The following FBRSL1 variants were observed in gnomAD, a reference collection of about 807,000 sequenced individuals.
FBRSL1 encodes the protein fibrosin like 1, also known as fibrosin-1-like protein.
In FBRSL1, 51 loss-of-function variants were observed where a neutral mutation model predicts 89.6. The observed-to-expected ratio is 0.57, with a 90% CI of 0.45 to 0.72. The LOEUF (loss-of-function observed/expected upper bound fraction) is 0.72, where lower values mean the gene tolerates loss of function less well. Among genes scored for constraint, FBRSL1 ranks in the 30% least tolerant of loss-of-function variants. FBRSL1 has a pLI of 0.00. For missense variants in FBRSL1, 1,618 were observed against 1,451.8 expected, an observed-to-expected ratio of 1.11 and a Z score of -1.86; for synonymous variants, 779 against 681.1, an observed-to-expected ratio of 1.14 and a Z score of -2.24.
chr12:132,583,728 G>A lies in FBRSL1; in HGVS notation c.2959G>A (p.Ala987Thr). 8.2e-7 allele frequency: 1 copy of A among 1,216,010 alleles called. No individual in the cohort carries two copies. Among genetic ancestry groups the A allele is most frequent in the Admixed American group, 4.3e-5 (1 of 23,070 alleles). The allele number at this position is 1,216,010 out of a possible 1,614,324, so 75.3% of individuals were successfully genotyped here. A position where few individuals can be genotyped will look rare whatever the true frequency, so the allele number is the denominator to read the frequency against. Residue 987 changes from alanine to threonine, a missense_variant, in exon 19 of 19, where the codon GCG becomes ACG. Transcript: ENST00000680143. ...GCTGGGGGGCCTCGGGCCGGGCGAG[G>A]CGCGCGACTACTCCCCGTCCCGAAA... Reference protein sequence around the residue: ...TPLGGLGPGEARDYSPSRNPP... With the variant: ...TPLGGLGPGETRDYSPSRNPP...
At chr12:132,548,516 A>G (rs2037881531) in intron 5 of FBRSL1, among the ~76,000 whole-genome samples, 1 of 152,196 alleles carries the variant, frequency 6.6e-6, no homozygotes, top group Non-Finnish European at 1.5e-5. Context: ...CTCAGGAGCA[A>G]GCAGGATTCC....
At chr12:132,571,026 G>A (rs2039975831) in intron 8 of FBRSL1, 42 bp from the exon 9 acceptor site, 2 of 1,278,228 alleles carry the variant, frequency 1.6e-6, no homozygotes, top group African/African-American at 3.1e-5. Context: ...GCTGGACCCT[G>A]GCTCCCGGGG....
intron 5 of FBRSL1, among the ~76,000 whole-genome samples, chr12:132,561,757 C>T (rs1006011376): frequency 6.6e-6 from 1 of 152,168 alleles, no homozygotes; most frequent in Non-Finnish European, 1.5e-5. Context: ...CAGTGCAGCC[C>T]CTCAGATGAG....
rs117838383 is a variant in FBRSL1, at chr12:132,535,570, G to A, written c.615+7582G>A. Among the ~76,000 whole-genome samples, 246 of 152,358 alleles carry A rather than the reference G, an allele frequency of 1.6e-3. 8 individuals carry two copies. In the East Asian group the frequency reaches 0.044, roughly 27 times the overall value. On this transcript the variant is annotated intron_variant, in intron 4 of 18. Transcript: ENST00000680143. ...CACATCCCAGCTCTCCCAGAGAGAT[G>A]AGGAACAGGAGCAGATGCAGCCAGT...
chr12:132,529,802 C>T (rs900767653), intron 4 of FBRSL1, among the ~76,000 whole-genome samples: 2 of 132,302 alleles, frequency 1.5e-5, no homozygotes, highest in Non-Finnish European at 3.2e-5. Context: ...TGGCCTCTCA[C>T]CTGGTTTGGC....
intron 6 of FBRSL1, 93 bp from the exon 7 acceptor site, chr12:132,569,833 C>T (rs2039884781): frequency 1.0e-6 from 1 of 990,182 alleles, no homozygotes; most frequent in Non-Finnish European, 1.3e-6. Flanking sequence ...CAGACATAGC[C>T]TGGGCACCGG....
intron 1 of FBRSL1, among the ~76,000 whole-genome samples, chr12:132,492,185 C>T (rs1276301750): frequency 6.6e-6 from 1 of 152,194 alleles, no homozygotes; most frequent in African/African-American, 2.4e-5. Context: ...CTGTCGCCAC[C>T]CACCTGCACC....
chr12:132,509,843 A>G, intron 2 of FBRSL1: 1 of 1,230,778 alleles, frequency 8.1e-7, no homozygotes, highest in Non-Finnish European at 1.0e-6. Context: ...CCCCGCGGCC[A>G]CTCCTCACCC....
Position 132,583,001 on chromosome 12 carries a change from C to T in FBRSL1, c.2232C>T (p.Ser744=). ...TCCTGGAGAAGACGCGCCTGCTGAG[C>T]CGGGCCTCGCCCGCCACCCCCGCTG... ...RDLLEKTRLL[S]RASPATPAGH... The change falls in exon 19 of 19, where the codon AGC becomes AGT. Residue 744 remains serine (S), a synonymous_variant. Coordinates refer to ENST00000680143, the MANE Select transcript of FBRSL1 (RefSeq NM_001367871.1). The T allele has an allele frequency of 6.9e-7, 1 of 1,453,196 alleles. No homozygotes were observed. Among genetic ancestry groups the T allele is most frequent in the East Asian group, 3.0e-5 (1 of 33,056 alleles). The allele number at this position is 1,453,196 out of a possible 1,614,324, so 90.0% of individuals were successfully genotyped here.
intron 1 of FBRSL1, among the ~76,000 whole-genome samples, chr12:132,494,904 T>C (rs1378202584): frequency 6.6e-6 from 1 of 152,214 alleles, no homozygotes; most frequent in Non-Finnish European, 1.5e-5. Flanking sequence ...CCACAGGACA[T>C]GCACCCAAAA....
Position 132,583,295 on chromosome 12 carries a change from C to G in FBRSL1, c.2526C>G (p.Arg842=), listed in dbSNP as rs1218668979. ...HPAPLQLGLG[R]ERLGAPGFAW... is the part of the protein sequence containing the mutation. ...CGCCCCTGCAGCTCGGCCTGGGCCG[C>G]GAGCGCCTGGGCGCGCCGGGCTTCG... Residue 842 remains arginine, a synonymous_variant, in exon 19 of 19, where the codon CGC becomes CGG. Transcript: ENST00000680143. The G allele has an allele frequency of 3.5e-6, 4 of 1,134,680 alleles. No individual in the cohort carries two copies. The highest frequency in any genetic ancestry group is 3.3e-6 in the Non-Finnish European group (3 of 898,754). 70.3% of individuals were successfully genotyped at this position (1,134,680 alleles called of 1,614,324 possible). A position where few individuals can be genotyped will look rare whatever the true frequency, so the allele number is the denominator to read the frequency against.
chr12:132,504,816 C>T (rs2033479393), intron 1 of FBRSL1, among the ~76,000 whole-genome samples: 1 of 152,140 alleles, frequency 6.6e-6, no homozygotes, highest in South Asian at 2.1e-4. Context: ...CTCATGGGGT[C>T]CTGTTTGTGT....
At chr12:132,493,200 TGTG>T (rs779941544) in intron 1 of FBRSL1, among the ~76,000 whole-genome samples, 39 of 152,302 alleles carry the variant, frequency 2.6e-4, no homozygotes, top group Admixed American at 9.1e-4. Flanking sequence ...CCGAGGGAGA[TGTG>T]GCCACCAGGA....
chr12:132,585,173 C>T lies in FBRSL1; in HGVS notation c.*1395C>T, dbSNP rs1319712088. ...GTCAATCAGTGACGATAAATACAGC[C>T]TTGATTTGGATGAAACTGTGGTCGC... On this transcript the variant is annotated 3_prime_UTR_variant, in exon 19 of 19. Transcript: ENST00000680143. 1 of 148,494 alleles carries T rather than the reference C, an allele frequency of 6.7e-6. No homozygotes were observed. The highest frequency in any genetic ancestry group is 2.6e-5 in the African/African-American group (1 of 37,934). 9.2% of individuals were successfully genotyped at this position (148,494 alleles called of 1,614,324 possible). A position where few individuals can be genotyped will look rare whatever the true frequency, so the allele number is the denominator to read the frequency against.
chr12:132,570,790 C>T (rs1017592330), intron 8 of FBRSL1, among the ~76,000 whole-genome samples: 1 of 152,220 alleles, frequency 6.6e-6, no homozygotes, highest in Non-Finnish European at 1.5e-5. Context: ...CTGAGACGGG[C>T]GCACGGGCCT....
In FBRSL1 at chr12:132,570,005, C is replaced by T. The variant is rs937298163; in HGVS notation, c.771C>T (p.Ser257=). 34 of 1,509,596 alleles carry T rather than the reference C, an allele frequency of 2.3e-5. No individual in the cohort carries two copies. Among genetic ancestry groups the T allele is most frequent in the East Asian group, 2.1e-4 (8 of 38,840 alleles). 93.5% of individuals were successfully genotyped at this position (1,509,596 alleles called of 1,614,324 possible). The change falls in exon 7 of 19, where the codon AGC becomes AGT. Residue 257 remains serine, a synonymous_variant. Coordinates refer to ENST00000680143, the MANE Select transcript of FBRSL1 (RefSeq NM_001367871.1). ...VSGLERSREL[S]AESFLPTASP... is the part of the protein sequence containing the mutation. Reference sequence around the variant, plus strand: ...GCCTGGAGCGCAGCCGCGAGCTCAGCGCCGAGAGCTTCCTGCCCACTGCCA... The same window carrying T: ...GCCTGGAGCGCAGCCGCGAGCTCAGTGCCGAGAGCTTCCTGCCCACTGCCA...
rs911847265 is a variant in FBRSL1, at chr12:132,576,023, C to T, written c.1702-776C>T. Among the ~76,000 whole-genome samples, 8 of 152,172 alleles carry T rather than the reference C, an allele frequency of 5.3e-5. No individual in the cohort carries two copies. The East Asian group carries it at 5.8e-4, about 11-fold the overall frequency. On this transcript the variant is annotated intron_variant, in intron 14 of 18. Transcript: ENST00000680143. ...CAAGCCTGGCCCTGCCTCCCACAGCCGCCTGGCAGCGTGGGCACCTGAAGT... is the reference window on the plus strand; with the variant it reads ...CAAGCCTGGCCCTGCCTCCCACAGCTGCCTGGCAGCGTGGGCACCTGAAGT...
intron 4 of FBRSL1, among the ~76,000 whole-genome samples, chr12:132,528,648 G>A (rs1192395882): frequency 1.3e-5 from 2 of 152,192 alleles, no homozygotes; most frequent in Admixed American, 6.5e-5. Context: ...GTGTGTTTCA[G>A]TGTGTGCTGT....
rs1475436510 is a variant in FBRSL1 at position 132,583,033 on chromosome 12, C to A, written c.2264C>A (p.Pro755His). The stretch of plus-strand genomic sequence containing the variant: ...TCGCCCGCCACCCCCGCTGGCCACC[C>A]CGTCAGCGGCCTCCTGCTCCGGGCC... Reference protein sequence around the residue: ...RASPATPAGHPVSGLLLRAQS... With the variant: ...RASPATPAGHHVSGLLLRAQS... Residue 755 changes from proline (P) to histidine (H), a missense_variant, in exon 19 of 19, where the codon CCC (proline) becomes CAC (histidine). By Grantham distance (77) the Pro-to-His change is moderately conservative. Coordinates refer to ENST00000680143, the MANE Select transcript of FBRSL1 (RefSeq NM_001367871.1). 5 of 1,455,398 alleles carry A rather than the reference C, an allele frequency of 3.4e-6. No homozygotes were observed. The highest frequency in any genetic ancestry group is 5.2e-5 in the Admixed American group (2 of 38,628). The allele number at this position is 1,455,398 out of a possible 1,614,324, so 90.2% of individuals were successfully genotyped here. A position where few individuals can be genotyped will look rare whatever the true frequency, so the allele number is the denominator to read the frequency against.
Sources: allele counts gnomAD v4.1 joint callset (sites outside exome capture counted in the v4.1 genomes callset), GRCh38; gene constraint gnomAD v4.1.1; transcripts MANE v1.5; gene names NCBI Gene and HGNC (gene_info 2026-07-23, HGNC 2026-07-21).